KAZN: variants seen among roughly 807,000 people sequenced by gnomAD.
The protein encoded by KAZN is kazrin.
In KAZN, 40 loss-of-function variants were observed where a neutral mutation model predicts 87.4. The observed-to-expected ratio is 0.46, with a 90% CI of 0.36 to 0.60. KAZN has a LOEUF of 0.60. Among genes scored for constraint, KAZN ranks in the 20% least tolerant of loss-of-function variants. The pLI is 0.00. For synonymous variants in KAZN, 466 were observed against 458.3 expected, an observed-to-expected ratio of 1.02 and a Z score of -0.22; for missense variants, 898 against 1,073.9, an observed-to-expected ratio of 0.84 and a Z score of 2.29.
chr1:15,010,071 T>G (rs1669427878), intron 2 of KAZN, among the ~76,000 whole-genome samples: 1 of 152,236 alleles, frequency 6.6e-6, no homozygotes. Flanking sequence ...ACAGTGTGAT[T>G]AGTTTTAATA....
chr1:14,674,782 C>G (rs951347988), intron 1 of KAZN, among the ~76,000 whole-genome samples: 3 of 151,818 alleles, frequency 2.0e-5, no homozygotes, highest in African/African-American at 4.8e-5. Flanking sequence ...ATCTTGTTTT[C>G]TTTTCTTTTC....
chr1:14,538,053 C>A (rs369947264), intron 2 of KAZN, among the ~76,000 whole-genome samples: 1 of 152,126 alleles, frequency 6.6e-6, no homozygotes, highest in African/African-American at 2.4e-5. Context: ...CTCTGCTATG[C>A]GACTTATTCA....
chr1:14,607,975 A>T (rs537499353), intron 1 of KAZN, among the ~76,000 whole-genome samples: 1 of 152,360 alleles, frequency 6.6e-6, no homozygotes, highest in Admixed American at 6.5e-5. Flanking sequence ...AGATATTGTT[A>T]TCCTCTCCAT....
At chr1:14,539,323 C>T (rs1161472691) in intron 2 of KAZN, among the ~76,000 whole-genome samples, 1 of 152,190 alleles carries the variant, frequency 6.6e-6, no homozygotes, top group Non-Finnish European at 1.5e-5. Context: ...ATGAGAATGA[C>T]TGCAAAATGT....
At chr1:14,938,802 C>A (rs1660740903) in intron 1 of KAZN, among the ~76,000 whole-genome samples, 1 of 152,172 alleles carries the variant, frequency 6.6e-6, no homozygotes, top group Admixed American at 6.6e-5. Context: ...GCTGCTTAAT[C>A]TCTTTGAGCC....
intron 1 of KAZN, among the ~76,000 whole-genome samples, chr1:14,936,967 C>T (rs1349259175): frequency 6.6e-6 from 1 of 152,232 alleles, no homozygotes. Context: ...CATTCCTACC[C>T]TTCACCTTGC....
chr1:14,741,279 C>A (rs1372062502), intron 1 of KAZN, among the ~76,000 whole-genome samples: 1 of 152,254 alleles, frequency 6.6e-6, no homozygotes, highest in Non-Finnish European at 1.5e-5. Context: ...CAGCACCCAG[C>A]ACCATGCCTG....
rs117746360 is a variant in KAZN, at chr1:14,784,105, C to T, written c.227-176579C>T. 4.6e-4 allele frequency among the ~76,000 whole-genome samples: 70 copies of T among 152,232 alleles called. No individual in the cohort carries two copies. In the East Asian group the frequency reaches 0.013, roughly 29 times the overall value. Reference sequence around the variant, plus strand: ...TGAGGCAGGTCTGGAACGCACAGGGCAGGCTGGAATTCTTGGTCAGGCAGG... The same window carrying T: ...TGAGGCAGGTCTGGAACGCACAGGGTAGGCTGGAATTCTTGGTCAGGCAGG... On this transcript the variant is annotated intron_variant, in intron 1 of 14. Coordinates refer to ENST00000376030, the MANE Select transcript of KAZN (RefSeq NM_201628.3).
At chr1:15,080,323 T>C (rs1266825243) in intron 8 of KAZN, among the ~76,000 whole-genome samples, 1 of 152,134 alleles carries the variant, frequency 6.6e-6, no homozygotes, top group Non-Finnish European at 1.5e-5. Context: ...TAGGGACACG[T>C]TGGGGTGGGA....
At chr1:13,905,934 G>T (rs1639420504) in intron 1 of KAZN, among the ~76,000 whole-genome samples, 1 of 152,134 alleles carries the variant, frequency 6.6e-6, no homozygotes, top group Non-Finnish European at 1.5e-5. Context: ...GGTCTCAAAA[G>T]ACCTGAGTTC....
At chr1:14,523,991 C>CGTTTTGTTTT (rs57675147) in intron 2 of KAZN, among the ~76,000 whole-genome samples, 3,489 of 148,996 alleles carry the variant, frequency 0.023, 52 homozygotes, top group Non-Finnish European at 0.032. Flanking sequence ...GCGTGTCACT[C>CGTTTTGTTTT]GTTTTGTTTT....
At chr1:15,007,659 C>T (rs926632704) in intron 2 of KAZN, among the ~76,000 whole-genome samples, 2 of 152,192 alleles carry the variant, frequency 1.3e-5, no homozygotes, top group Non-Finnish European at 2.9e-5. Context: ...CTGGTTTCTG[C>T]TCTGCCGGGC....
chr1:14,616,359 T>C (rs1678240346), intron 1 of KAZN, among the ~76,000 whole-genome samples: 1 of 152,032 alleles, frequency 6.6e-6, no homozygotes, highest in Admixed American at 6.6e-5. Flanking sequence ...ATCCTTTCTG[T>C]GCCCTCAAAT....
chr1:14,576,075 G>C (rs962560336), intron 2 of KAZN, among the ~76,000 whole-genome samples: 4 of 152,192 alleles, frequency 2.6e-5, no homozygotes, highest in African/African-American at 9.7e-5. Context: ...CCATAACTTG[G>C]AGTTGGGAGA....
chr1:13,921,227 T>C (rs1352931640), intron 1 of KAZN, among the ~76,000 whole-genome samples: 2 of 152,232 alleles, frequency 1.3e-5, no homozygotes, highest in Non-Finnish European at 2.9e-5. Flanking sequence ...ATTTTATTGA[T>C]TCATGGCCAA....
At chr1:14,707,426 T>C (rs989538239) in intron 1 of KAZN, among the ~76,000 whole-genome samples, 1 of 152,212 alleles carries the variant, frequency 6.6e-6, no homozygotes, top group Non-Finnish European at 1.5e-5. Flanking sequence ...CACTGTCCTG[T>C]CCCGAGAGCT....
intron 1 of KAZN, among the ~76,000 whole-genome samples, chr1:14,881,230 C>T (rs1182356968): frequency 1.3e-5 from 2 of 152,208 alleles, no homozygotes; most frequent in Non-Finnish European, 2.9e-5. Context: ...GCATGATAAG[C>T]AGGGTGTTTC....
At chr1:14,711,905 A>G (rs1481742428) in intron 1 of KAZN, among the ~76,000 whole-genome samples, 2 of 152,206 alleles carry the variant, frequency 1.3e-5, no homozygotes, top group Admixed American at 6.5e-5. Flanking sequence ...TGTTGCCTCA[A>G]GCCATTAGGA....
At chr1:14,475,587 G>T (rs1668673345) in intron 2 of KAZN, among the ~76,000 whole-genome samples, 1 of 152,162 alleles carries the variant, frequency 6.6e-6, no homozygotes, top group Non-Finnish European at 1.5e-5. Flanking sequence ...CAAATGTTTA[G>T]ATTTTTTAAT....
Sources: gnomAD v4.1 joint callset for allele counts (sites outside exome capture counted in the v4.1 genomes callset) on GRCh38, gnomAD v4.1.1 for gene constraint, MANE v1.5 for transcripts, NCBI Gene and HGNC (gene_info 2026-07-23, HGNC 2026-07-21) for gene names.